Variants in COG5 observed in about 807,000 individuals in gnomAD.
COG5 encodes the protein conserved oligomeric Golgi complex subunit 5.
COG5 carries 86 observed loss-of-function variants against 110.4 expected under a neutral mutation model. The observed-to-expected ratio is 0.78, with a 90% confidence interval of 0.65 to 0.93. The LOEUF (loss-of-function observed/expected upper bound fraction) is 0.93. Among genes scored for constraint, COG5 ranks in the 40% least tolerant of loss-of-function variants. The pLI, the probability that COG5 is intolerant of heterozygous loss-of-function variation, is 0.00. For missense variants in COG5, 1,077 were observed against 987.0 expected (o/e 1.09, Z -1.22); for synonymous variants, 360 against 334.6 (o/e 1.08, Z -0.83).
intron 12 of COG5, among the ~76,000 whole-genome samples, chr7:107,297,327 G>C (rs1291476263): frequency 1.3e-5 from 2 of 151,672 alleles, no homozygotes; most frequent in African/African-American, 4.8e-5. Flanking sequence ...GTAACCTAGA[G>C]ATGATGTGCA....
intron 12 of COG5, among the ~76,000 whole-genome samples, chr7:107,295,364 T>A (rs1227109342): frequency 6.6e-6 from 1 of 151,946 alleles, no homozygotes; most frequent in Non-Finnish European, 1.5e-5. Context: ...TCATAGAAGC[T>A]TTCTCTGACA....
chr7:107,444,849 T>C (rs1794911924), intron 6 of COG5, among the ~76,000 whole-genome samples: 1 of 152,194 alleles, frequency 6.6e-6, no homozygotes, highest in Non-Finnish European at 1.5e-5. Context: ...TCTTTTTGGA[T>C]TGTGACACAC....
At position 107,340,384 on chromosome 7, in the gene COG5, T is replaced by C. The variant is rs577497686; in HGVS notation, c.1027-15863A>G. ...TTTTGTAACTGAATCAATAATAAAA[T>C]CTACCAAGCAAAAAACAGCCCTGGG... On this transcript the variant is annotated intron_variant, in intron 10 of 21. Transcript: ENST00000297135. Among the ~76,000 whole-genome samples, 4 of 151,968 alleles carry C rather than the reference T, an allele frequency of 2.6e-5. No homozygotes were observed. In the East Asian group the frequency reaches 7.7e-4, roughly 29 times the overall value.
rs7811347 is a variant in COG5, at chr7:107,386,610, T to C, written c.670-13850A>G. On this transcript the variant is annotated intron_variant, in intron 7 of 21. Transcript: ENST00000297135. Reference sequence around the variant, plus strand: ...TCATGATGGGACAACAGTTATCAGCTCAACAGAAACAGTATATAAAAGTAT... The same window carrying C: ...TCATGATGGGACAACAGTTATCAGCCCAACAGAAACAGTATATAAAAGTAT... Among the ~76,000 whole-genome samples the C allele has an allele frequency of 5.2e-3, 796 of 152,232 alleles. 8 individuals carry two copies. Among genetic ancestry groups the C allele is most frequent in the African/African-American group, 0.019 (774 of 41,538 alleles).
intron 10 of COG5, among the ~76,000 whole-genome samples, chr7:107,361,524 C>T (rs73415479): frequency 0.034 from 5,154 of 152,176 alleles, 295 homozygotes; most frequent in African/African-American, 0.12. Flanking sequence ...CTATTGCTGG[C>T]AGCTACTCCA....
intron 11 of COG5, among the ~76,000 whole-genome samples, chr7:107,300,991 AC>A (rs1356867944): frequency 6.6e-6 from 1 of 152,138 alleles, no homozygotes; most frequent in East Asian, 1.9e-4. Flanking sequence ...ACAAAAATAG[AC>A]CCACACATAT....
chr7:107,369,857 C>A (rs1813970806), intron 8 of COG5, among the ~76,000 whole-genome samples: 1 of 152,056 alleles, frequency 6.6e-6, no homozygotes, highest in African/African-American at 2.4e-5. Context: ...CTGCTCTTGT[C>A]CAGAACTTAG....
intron 6 of COG5, among the ~76,000 whole-genome samples, chr7:107,485,558 C>T (rs1797610633): frequency 6.6e-6 from 1 of 152,142 alleles, no homozygotes; most frequent in Non-Finnish European, 1.5e-5. Context: ...TAGTGAATAA[C>T]ATGTCACAGA....
intron 6 of COG5, among the ~76,000 whole-genome samples, chr7:107,463,077 T>C (rs1426092729): frequency 6.6e-6 from 1 of 152,242 alleles, no homozygotes; most frequent in Non-Finnish European, 1.5e-5. Flanking sequence ...CAGCTTTTAA[T>C]TGGGCTGAAC....
rs200661516 is a variant in COG5 at position 107,220,446 on chromosome 7, G to A, written c.2169-9221C>T. On this transcript the variant is annotated intron_variant, in intron 19 of 21. Coordinates refer to ENST00000297135, the MANE Select transcript of COG5 (RefSeq NM_006348.5). ...ACCTTAAGTTCCTCTGGGGTAATGGGTGGTGTTGTCTTAAAGGCCTCTGGA... is the reference window on the plus strand; with the variant it reads ...ACCTTAAGTTCCTCTGGGGTAATGGATGGTGTTGTCTTAAAGGCCTCTGGA... Among the ~76,000 whole-genome samples the A allele has an allele frequency of 8.5e-5, 13 of 152,324 alleles. No homozygotes were observed. In the East Asian group the frequency reaches 2.3e-3, roughly 27 times the overall value.
chr7:107,445,861 A>G (rs535650977), intron 6 of COG5, among the ~76,000 whole-genome samples: 1 of 152,312 alleles, frequency 6.6e-6, no homozygotes, highest in South Asian at 2.1e-4. Flanking sequence ...CCAACAAACA[A>G]AAGAGACACT....
chr7:107,332,810 G>A (rs1006377888), intron 10 of COG5, among the ~76,000 whole-genome samples: 2 of 152,172 alleles, frequency 1.3e-5, no homozygotes, highest in Admixed American at 6.5e-5. Flanking sequence ...GGTTTCTGTT[G>A]TTTTAAAAAA....
rs1796866237 is a variant in COG5 at position 107,474,758 on chromosome 7, A to G, written c.538+52479T>C. 2.5e-6 allele frequency: 4 copies of G among 1,611,044 alleles called. No individual in the cohort carries two copies. In the African/African-American group the frequency reaches 5.3e-5, roughly 22 times the overall value. On this transcript the variant is annotated intron_variant, in intron 6 of 21. Coordinates refer to ENST00000297135, the MANE Select transcript of COG5 (RefSeq NM_006348.5). This position sits in a 1 kb window ranked among gnomAD's most constrained non-coding sequence, Gnocchi z 5.7. ...GTAGTAATGTTAATCACATACACCA[A>G]AATACTTCAGGCTCTTAATATTCGA...
chr7:107,400,302 G>A (rs925946737), intron 7 of COG5, among the ~76,000 whole-genome samples: 3 of 150,758 alleles, frequency 2.0e-5, no homozygotes, highest in Non-Finnish European at 4.4e-5. Flanking sequence ...AAGAGGAAGA[G>A]CACACTGTAT....
intron 6 of COG5, among the ~76,000 whole-genome samples, chr7:107,478,593 T>C (rs1288796247): frequency 6.6e-6 from 1 of 152,036 alleles, no homozygotes; most frequent in Non-Finnish European, 1.5e-5. Context: ...GTTGTTGTTA[T>C]AGCCTACTGT....
chr7:107,544,595 A>C (rs1183687018), intron 5 of COG5, among the ~76,000 whole-genome samples: 1 of 152,218 alleles, frequency 6.6e-6, no homozygotes, highest in Non-Finnish European at 1.5e-5. Flanking sequence ...ACCAGCAGTA[A>C]GCCTGCCCAC....
intron 6 of COG5, among the ~76,000 whole-genome samples, chr7:107,431,243 A>G (rs1224420176): frequency 1.3e-5 from 2 of 152,246 alleles, no homozygotes; most frequent in African/African-American, 2.4e-5. Context: ...GTGTTTGCAC[A>G]TAACAACAGA....
At chr7:107,273,764 G>A (rs1804469612) in intron 14 of COG5, among the ~76,000 whole-genome samples, 1 of 151,792 alleles carries the variant, frequency 6.6e-6, no homozygotes, top group East Asian at 1.9e-4. Context: ...TGGGTGTGGA[G>A]GATTCCATTT....
intron 18 of COG5, among the ~76,000 whole-genome samples, chr7:107,235,753 C>T (rs996669903): frequency 6.6e-6 from 1 of 152,146 alleles, no homozygotes; most frequent in Non-Finnish European, 1.5e-5. Flanking sequence ...TAACAATCAT[C>T]TTTGTTTCTG....
Sources: gnomAD v4.1 joint callset for allele counts (sites outside exome capture counted in the v4.1 genomes callset) on GRCh38, gnomAD v4.1.1 for gene constraint, Gnocchi (gnomAD v3.1) non-coding constraint, MANE v1.5 for transcripts, NCBI Gene and HGNC (gene_info 2026-07-23, HGNC 2026-07-21) for gene names.